PTGR1: variants seen among roughly 807,000 people sequenced by gnomAD.
The protein encoded by PTGR1 is prostaglandin reductase 1.
Under a neutral mutation model 37.7 loss-of-function variants are expected in PTGR1, and 23 were observed. The observed-to-expected ratio is 0.61, with a 90% CI of 0.44 to 0.86. PTGR1 has a LOEUF of 0.86. Among genes scored for constraint, PTGR1 ranks in the 40% least tolerant of loss-of-function variants. PTGR1 has a pLI of 0.00. For missense variants in PTGR1, 351 were observed against 394.3 expected (o/e 0.89, Z 0.93); for synonymous variants, 134 against 140.0 (o/e 0.96, Z 0.30).
chr9:111,585,859 G>T, intron 5 of PTGR1, 139 bp downstream of exon 5: 2 of 907,706 alleles, frequency 2.2e-6, no homozygotes, highest in African/African-American at 1.7e-5. Context: ...CTGCCATCTT[G>T]GTCCTGCCCT....
chr9:111,597,498 T>C (rs1829818249), intron 1 of PTGR1, 66 bp from the exon 2 acceptor site: 2 of 962,204 alleles, frequency 2.1e-6, no homozygotes, highest in South Asian at 2.9e-5. Context: ...TCTCTAGCCG[T>C]CAAACTGAGA....
chr9:111,572,485 G>A (rs1418851346), intron 8 of PTGR1, among the ~76,000 whole-genome samples: 1 of 152,144 alleles, frequency 6.6e-6, no homozygotes, highest in Non-Finnish European at 1.5e-5. Flanking sequence ...AGCTACTCAG[G>A]AGGCTAAGGC....
At chr9:111,562,162 C>CAT (rs1564608572), downstream of PTGR1, among the ~76,000 whole-genome samples, 1 of 152,098 alleles carries the variant, frequency 6.6e-6, no homozygotes, top group African/African-American at 2.4e-5. Context: ...CGTGAGCCAC[C>CAT]GCGCCCGGCC....
chr9:111,589,371 T>TA, intron 4 of PTGR1: 1 of 889,728 alleles, frequency 1.1e-6, no homozygotes, highest in Non-Finnish European at 1.3e-6. Context: ...CCAATGGTAT[T>TA]ATAATAACTG....
At chr9:111,560,608 G>A (rs1484868343), downstream of PTGR1, among the ~76,000 whole-genome samples, 2 of 124,282 alleles carry the variant, frequency 1.6e-5, no homozygotes, top group African/African-American at 6.4e-5. Context: ...GCTACTGCAC[G>A]TCAGCCTGGG....
chr9:111,558,655 G>A (rs775247107), downstream of PTGR1, among the ~76,000 whole-genome samples: 7 of 152,212 alleles, frequency 4.6e-5, no homozygotes, highest in Non-Finnish European at 7.3e-5. Flanking sequence ...TGCTATTGGA[G>A]TGTCACTACT....
chr9:111,570,046 G>A (rs1388212542), intron 9 of PTGR1, 45 bp downstream of exon 9: 3 of 1,611,202 alleles, frequency 1.9e-6, no homozygotes, highest in Non-Finnish European at 2.5e-6. Context: ...CAAAGGGAGT[G>A]TGACCTAGTG....
At chr9:111,583,626 G>T in intron 5 of PTGR1, 37 bp from the exon 6 acceptor site, 1 of 1,477,182 alleles carries the variant, frequency 6.8e-7, no homozygotes, top group Non-Finnish European at 9.5e-7. Context: ...GAATAGAGTT[G>T]TTTCTTTCCT....
At chr9:111,591,364 C>G in intron 4 of PTGR1, among the ~76,000 whole-genome samples, 1 of 142,882 alleles carries the variant, frequency 7.0e-6, no homozygotes, top group Non-Finnish European at 1.5e-5. Context: ...GACAATTTTT[C>G]TTTTTCTTTT....
At chr9:111,557,902 G>A (rs567259727), downstream of PTGR1, among the ~76,000 whole-genome samples, 4 of 152,004 alleles carry the variant, frequency 2.6e-5, no homozygotes, top group African/African-American at 7.2e-5. Context: ...TAATCCCAGC[G>A]CTTTGGGAGG....
At chr9:111,590,503 T>C (rs553620619) in intron 4 of PTGR1, among the ~76,000 whole-genome samples, 1 of 152,108 alleles carries the variant, frequency 6.6e-6, no homozygotes, top group Non-Finnish European at 1.5e-5. Context: ...GGATTACAGA[T>C]GCCCATCACC....
chr9:111,559,349 C>G (rs1828209850), downstream of PTGR1, among the ~76,000 whole-genome samples: 1 of 152,086 alleles, frequency 6.6e-6, no homozygotes, highest in Non-Finnish European at 1.5e-5. Flanking sequence ...CTCCTCACAC[C>G]AGGCAGCCCT....
At chr9:111,563,733 C>T (rs140363385) in intron 9 of PTGR1, 7,461 of 152,780 alleles carry the variant, frequency 0.049, 304 homozygotes, top group East Asian at 0.16. Context: ...GTCTCGATCT[C>T]CTGACCTCGT....
intron 7 of PTGR1, chr9:111,576,408 T>C (rs984812362): frequency 2.5e-6 from 4 of 1,614,138 alleles, no homozygotes; most frequent in Non-Finnish European, 3.4e-6. Flanking sequence ...TCTCTGAGGC[T>C]GAATAAGACC....
chr9:111,579,598 A>G (rs1359325569), intron 6 of PTGR1, among the ~76,000 whole-genome samples: 1 of 151,912 alleles, frequency 6.6e-6, no homozygotes, highest in African/African-American at 2.4e-5. Flanking sequence ...GGGTCTCACT[A>G]TATTGCCCAG....
At chr9:111,597,254 T>G in intron 2 of PTGR1, 63 bp downstream of exon 2, 1 of 1,263,014 alleles carries the variant, frequency 7.9e-7, no homozygotes, top group Non-Finnish European at 1.1e-6. Flanking sequence ...GGTAGTTTGT[T>G]ATGCAGCAAA....
chr9:111,555,685 G>A (rs553274386), intron 9 of PTGR1, among the ~76,000 whole-genome samples: 90 of 152,082 alleles, frequency 5.9e-4, no homozygotes, highest in African/African-American at 2.0e-3. Flanking sequence ...AAAGGGGGAA[G>A]TGCTACACAC....
intron 1 of PTGR1, 24 bp from the exon 2 acceptor site, chr9:111,597,456 C>A: frequency 1.4e-6 from 2 of 1,473,258 alleles, no homozygotes; most frequent in South Asian, 2.3e-5. Flanking sequence ...AATATGTAGT[C>A]AACTGCCATG....
chr9:111,573,006 G>A (rs1262131258), intron 8 of PTGR1, among the ~76,000 whole-genome samples: 2 of 152,088 alleles, frequency 1.3e-5, no homozygotes, highest in Non-Finnish European at 1.5e-5. Flanking sequence ...TCCTAACAGT[G>A]GAATATGTTA....
Sources: gnomAD v4.1 joint callset for allele counts (sites outside exome capture counted in the v4.1 genomes callset) on GRCh38, gnomAD v4.1.1 for gene constraint, MANE v1.5 for transcripts, NCBI Gene and HGNC (gene_info 2026-07-23, HGNC 2026-07-21) for gene names.